ETV1: variants seen among roughly 807,000 people sequenced by gnomAD.
ETV1 encodes the protein ETS variant transcription factor 1.
In ETV1, 27 loss-of-function variants were observed where a neutral mutation model predicts 62.3. That is an observed-to-expected ratio of 0.43 (90% confidence interval 0.32 to 0.60). ETV1 has a LOEUF of 0.60. Ranked by LOEUF, ETV1 falls within the 20% of genes least tolerant of loss-of-function variation. The pLI is 0.06. For missense variants in ETV1, 605 were observed against 605.8 expected (o/e 1.00, Z 0.01); for synonymous variants, 222 against 199.6 (o/e 1.11, Z -0.94).
rs538420991 is a variant in ETV1 at position 13,893,003 on chromosome 7, C to G, written c.*2863G>C. ...GGAAACTAGACCTCCAAGATCCGCC[C>G]ATGATTTGAGAAAAATGTTCTGCAC... On this transcript the variant is annotated 3_prime_UTR_variant, in exon 14 of 14. Coordinates refer to ENST00000430479, the MANE Select transcript of ETV1 (RefSeq NM_004956.5). 3 of 232,752 alleles carry G rather than the reference C, an allele frequency of 1.3e-5. No homozygotes were observed. Among genetic ancestry groups the G allele is most frequent in the Admixed American group, 1.1e-4 (2 of 17,780 alleles). The allele number at this position is 232,752 out of a possible 1,614,324, so 14.4% of individuals were successfully genotyped here.
chr7:13,945,007 C>G (rs750999284), intron 6 of ETV1, among the ~76,000 whole-genome samples: 1 of 152,118 alleles, frequency 6.6e-6, no homozygotes, highest in African/African-American at 2.4e-5. Flanking sequence ...TAGATTCCCT[C>G]TCACAGCCCT....
At chr7:13,964,529 A>G (rs1431860675) in intron 6 of ETV1, among the ~76,000 whole-genome samples, 1 of 152,156 alleles carries the variant, frequency 6.6e-6, no homozygotes, top group Non-Finnish European at 1.5e-5. Context: ...TGAAAAATCG[A>G]CATAATACTA....
intron 5 of ETV1, among the ~76,000 whole-genome samples, chr7:13,983,003 G>C (rs116972817): frequency 6.6e-6 from 1 of 152,082 alleles, no homozygotes; most frequent in East Asian, 1.9e-4. Context: ...AAGTTGACCT[G>C]ACTGTTGTTT....
At chr7:13,958,894 C>T (rs868162968) in intron 6 of ETV1, 4 of 152,072 alleles carry the variant, frequency 2.6e-5, no homozygotes, top group African/African-American at 7.2e-5. Flanking sequence ...CTATTATTAT[C>T]CAACAAACAC....
intron 7 of ETV1, among the ~76,000 whole-genome samples, chr7:13,938,632 C>T (rs76478345): frequency 1.3e-5 from 2 of 152,150 alleles, no homozygotes; most frequent in Non-Finnish European, 2.9e-5. Context: ...GAAGAACAAC[C>T]AGCTTTTTAA....
chr7:13,917,411 G>A (rs62454576), intron 9 of ETV1, among the ~76,000 whole-genome samples: 50,793 of 151,182 alleles, frequency 0.34, 8,870 homozygotes, highest in Non-Finnish European at 0.38. Context: ...TCTGCCTCCC[G>A]GGTTCAAGTG....
In ETV1 at chr7:13,895,872, C is replaced by T. The variant is rs773888009; in HGVS notation, c.1428G>A (p.Val476=). 4 of 1,612,644 alleles carry T rather than the reference C, an allele frequency of 2.5e-6. No individual in the cohort carries two copies. Among genetic ancestry groups the T allele is most frequent in the Non-Finnish European group, 3.4e-6 (4 of 1,179,312 alleles). ...TGCTTGACTGTCACTTGTGTTAATA[C>T]ACGTAGCCTTCGTTGTAGGGGTGGG... is the stretch of plus-strand genomic sequence containing the variant. ...CNPHPYNEGY[V]Y Residue 476 remains valine, a synonymous_variant, in exon 14 of 14, where the codon GTG becomes GTA. Transcript: ENST00000430479.
At position 13,895,940 on chromosome 7, in the gene ETV1, C is replaced by T. The variant is rs770880512; in HGVS notation, c.1360G>A (p.Asp454Asn). The T allele has an allele frequency of 2.5e-6, 4 of 1,613,644 alleles. No individual in the cohort carries two copies. In the Admixed American group the frequency reaches 6.7e-5, roughly 27 times the overall value. The change falls in exon 14 of 14, where the codon GAT becomes AAT. Residue 454 changes from aspartate to asparagine, a missense_variant. Physicochemically the swap from Asp to Asn is conservative, Grantham distance 23 (BLOSUM62 1). Transcript: ENST00000430479. ...EEDTVPLSHF[D>N]ESMAYMPEGG... Reference sequence around the variant, plus strand: ...TCCGGCATGTAGGCCATGCTCTCATCAAAGTGAGAAAGAGGCACTGTGTCC... The same window carrying T: ...TCCGGCATGTAGGCCATGCTCTCATTAAAGTGAGAAAGAGGCACTGTGTCC...
chr7:13,899,607 C>A (rs889568254), intron 13 of ETV1, among the ~76,000 whole-genome samples: 3 of 152,024 alleles, frequency 2.0e-5, no homozygotes, highest in African/African-American at 4.8e-5. Context: ...GTTTACAAAC[C>A]CTAAAATAAA....
At chr7:13,977,022 A>G (rs1781512795) in intron 6 of ETV1, among the ~76,000 whole-genome samples, 1 of 152,150 alleles carries the variant, frequency 6.6e-6, no homozygotes, top group Non-Finnish European at 1.5e-5. Context: ...ACAATAACTA[A>G]TCTCAAGTAG....
intron 6 of ETV1, among the ~76,000 whole-genome samples, chr7:13,942,327 T>C (rs923155964): frequency 6.7e-6 from 1 of 150,188 alleles, no homozygotes; most frequent in African/African-American, 2.4e-5. Context: ...CCGGCCTCTT[T>C]TTTTAAACAA....
chr7:13,959,504 T>C (rs1789900572), intron 6 of ETV1, among the ~76,000 whole-genome samples: 1 of 152,214 alleles, frequency 6.6e-6, no homozygotes, highest in African/African-American at 2.4e-5. Flanking sequence ...CTTAAGTACC[T>C]ATCTATCTTT....
chr7:13,911,358 C>T (rs1415691638), intron 9 of ETV1, 51 bp from the exon 10 acceptor site: 26 of 1,316,384 alleles, frequency 2.0e-5, no homozygotes, highest in Admixed American at 3.6e-5. Context: ...TGAAACGCTG[C>T]GGTTATCAAT....
In ETV1 at chr7:13,940,777, A is replaced by C. The variant is rs1787411095; in HGVS notation, c.236-1531T>G. ...TGCATTAGCTTGAATGTTATATATA[A>C]TTTTTAACATAAAAATTTGATATCA... On this transcript the variant is annotated intron_variant, in intron 6 of 13. Transcript: ENST00000430479. 2.0e-5 allele frequency among the ~76,000 whole-genome samples: 3 copies of C among 152,312 alleles called. No homozygotes were observed. The South Asian group carries it at 6.2e-4, about 32-fold the overall frequency.
chr7:13,934,658 T>C (rs963165907), intron 8 of ETV1, among the ~76,000 whole-genome samples: 1 of 152,204 alleles, frequency 6.6e-6, no homozygotes, highest in Non-Finnish European at 1.5e-5. Context: ...AATGCAAAAC[T>C]CATCACTTTC....
In ETV1 at chr7:13,989,070, A is replaced by G; in HGVS notation, c.-18T>C. 1 of 1,564,122 alleles carries G rather than the reference A, an allele frequency of 6.4e-7. No homozygotes were observed. Among genetic ancestry groups the G allele is most frequent in the Non-Finnish European group, 8.6e-7 (1 of 1,159,598 alleles). ...CCATCCATGCTGCTGCTCTTCGCAA[A>G]TCTCAGCTCAGTATTTTATATTTTG... On this transcript the variant is annotated 5_prime_UTR_variant, in exon 3 of 14. Transcript: ENST00000430479.
chr7:13,987,662 G>T (rs1782668118), intron 4 of ETV1, among the ~76,000 whole-genome samples: 1 of 152,016 alleles, frequency 6.6e-6, no homozygotes, highest in Admixed American at 6.5e-5. Context: ...GTGTAAAGGA[G>T]GTGGGAAACC....
intron 6 of ETV1, among the ~76,000 whole-genome samples, chr7:13,959,249 T>A (rs1450332399): frequency 6.6e-6 from 1 of 152,156 alleles, no homozygotes; most frequent in Admixed American, 6.5e-5. Context: ...TACTAAGAGA[T>A]TAATTGACAT....
intron 6 of ETV1, among the ~76,000 whole-genome samples, chr7:13,949,559 C>G (rs1237212803): frequency 6.6e-6 from 1 of 152,146 alleles, no homozygotes; most frequent in Non-Finnish European, 1.5e-5. Context: ...CCTCCCCACC[C>G]CCACTGTGTA....
Sources: gnomAD v4.1 joint callset for allele counts (sites outside exome capture counted in the v4.1 genomes callset) on GRCh38, gnomAD v4.1.1 for gene constraint, MANE v1.5 for transcripts, NCBI Gene and HGNC (gene_info 2026-07-23, HGNC 2026-07-21) for gene names.